ARAP2: variants seen among roughly 807,000 people sequenced by gnomAD.
ARAP2 encodes the protein arf-GAP with Rho-GAP domain, ANK repeat and PH domain-containing protein 2.
ARAP2 carries 148 observed loss-of-function variants against 194.5 expected under a neutral mutation model. That is an observed-to-expected ratio of 0.76 (90% CI 0.67 to 0.87). ARAP2 has a LOEUF of 0.87. Ranked by LOEUF, ARAP2 falls within the 40% of genes least tolerant of loss-of-function variation. ARAP2 has a pLI of 0.00. For missense variants in ARAP2, 2,128 were observed against 1,989.7 expected (o/e 1.07, Z -1.32); for synonymous variants, 695 against 683.5 (o/e 1.02, Z -0.26).
At position 36,068,152 on chromosome 4, in the gene ARAP2, G is replaced by A. The variant is rs868517624; in HGVS notation, c.4870C>T (p.Arg1624Ter). ...CTCCGATGTTTTCGGGGTCGATTTC[G>A]AAGTTTATCGTCCTTGTGCTCCAGG... Reference protein sequence around the residue: ...HCLEHKDDKLRNRPRKHRSFN... With the variant: ...HCLEHKDDKL Residue 1624 changes from arginine to a stop codon, truncating the protein, a stop_gained, in exon 33 of 33, where the codon CGA (arginine) becomes TGA (stop). Coordinates refer to ENST00000303965, the MANE Select transcript of ARAP2 (RefSeq NM_015230.4). LOFTEE classifies it low-confidence loss of function (END_TRUNC). The A allele has an allele frequency of 6.2e-6, 10 of 1,613,812 alleles. No individual in the cohort carries two copies. The highest frequency in any genetic ancestry group is 2.2e-5 in the East Asian group (1 of 44,870).
intron 8 of ARAP2, 94 bp from the exon 9 acceptor site, chr4:36,178,099 TA>T: frequency 1.8e-6 from 2 of 1,088,926 alleles, no homozygotes; most frequent in African/African-American, 3.2e-5. Flanking sequence ...TTGCAACACA[TA>T]AGTGACAGAT....
intron 15 of ARAP2, among the ~76,000 whole-genome samples, chr4:36,152,777 C>T (rs1385129509): frequency 6.6e-6 from 1 of 152,096 alleles, no homozygotes; most frequent in Non-Finnish European, 1.5e-5. Context: ...ACAATCCTTC[C>T]ATAATATCAG....
intron 5 of ARAP2, among the ~76,000 whole-genome samples, chr4:36,033,422 A>C (rs528230812): frequency 6.6e-6 from 1 of 151,496 alleles, no homozygotes; most frequent in African/African-American, 2.4e-5. Flanking sequence ...TTTTTTTCAT[A>C]TGCTTGTTGA....
chr4:36,191,589 T>C (rs1019138614), intron 7 of ARAP2, among the ~76,000 whole-genome samples: 2 of 151,280 alleles, frequency 1.3e-5, no homozygotes, highest in Non-Finnish European at 2.9e-5. Flanking sequence ...TATATTTGTC[T>C]TGCAACAGTA....
chr4:36,095,101 C>T (rs368477100), intron 27 of ARAP2, among the ~76,000 whole-genome samples: 1 of 152,124 alleles, frequency 6.6e-6, no homozygotes, highest in African/African-American at 2.4e-5. Flanking sequence ...TTCTTTCCTT[C>T]CCAGGAAAAC....
intron 13 of ARAP2, 31 bp from the exon 14 acceptor site, chr4:36,159,536 G>T: frequency 6.9e-7 from 1 of 1,448,352 alleles, no homozygotes; most frequent in Admixed American, 2.3e-5. Flanking sequence ...TACATCTTAA[G>T]GAAAGAAAAT....
intron 15 of ARAP2, chr4:36,157,419 T>C (rs1560552558): frequency 6.6e-6 from 1 of 151,674 alleles, no homozygotes; most frequent in Admixed American, 6.6e-5. Context: ...ACATTTATTA[T>C]TGGTTAGGCT....
At chr4:36,151,704 C>G (rs1275126577) in intron 15 of ARAP2, among the ~76,000 whole-genome samples, 1 of 152,014 alleles carries the variant, frequency 6.6e-6, no homozygotes, top group Non-Finnish European at 1.5e-5. Flanking sequence ...TACTGAATTA[C>G]TAAAGGTAAA....
At chr4:36,197,265 TTC>T (rs564593584) in intron 6 of ARAP2, among the ~76,000 whole-genome samples, 1 of 152,156 alleles carries the variant, frequency 6.6e-6, no homozygotes, top group Non-Finnish European at 1.5e-5. Context: ...CAGAATCCAT[TTC>T]TGTTTCGTTC....
intron 2 of ARAP2, among the ~76,000 whole-genome samples, chr4:36,056,073 TA>T (rs769247350): frequency 1.3e-5 from 2 of 152,212 alleles, no homozygotes; most frequent in Non-Finnish European, 2.9e-5. Context: ...AGAAAATGAT[TA>T]AGAAACATGG....
chr4:36,231,218 C>T (rs1309202541), intron 1 of ARAP2, among the ~76,000 whole-genome samples: 1 of 152,138 alleles, frequency 6.6e-6, no homozygotes, highest in African/African-American at 2.4e-5. Flanking sequence ...TGCCTGTAAT[C>T]CCAGCTACTC....
intron 27 of ARAP2, among the ~76,000 whole-genome samples, chr4:36,104,106 G>A (rs1717743711): frequency 6.6e-6 from 1 of 151,798 alleles, no homozygotes; most frequent in African/African-American, 2.4e-5. Context: ...AAGGTACAAG[G>A]GATGTTATAG....
intron 1 of ARAP2, among the ~76,000 whole-genome samples, chr4:36,237,403 TGTGACCTCTGATGTTGGAGGTGGGTC>T (rs1752650038): frequency 6.6e-6 from 1 of 152,180 alleles, no homozygotes; most frequent in Non-Finnish European, 1.5e-5. Flanking sequence ...CATGTGGAAA[TGTGACCTCTGATGTTGGAGGTGGGTC>T]TAGCAGGAGG....
At chr4:36,081,888 T>C (rs868868832) in intron 30 of ARAP2, among the ~76,000 whole-genome samples, 1 of 152,080 alleles carries the variant, frequency 6.6e-6, no homozygotes, top group African/African-American at 2.4e-5. Flanking sequence ...AAAGTACATA[T>C]ATAGAAATAG....
chr4:36,082,161 C>T (rs1729712254), intron 30 of ARAP2, 90 bp downstream of exon 30: 3 of 1,228,164 alleles, frequency 2.4e-6, no homozygotes. Context: ...CACTTTCCGT[C>T]TGTAGTTCTA....
intron 29 of ARAP2, among the ~76,000 whole-genome samples, chr4:36,082,848 G>A (rs899007777): frequency 3.3e-5 from 5 of 152,096 alleles, no homozygotes; most frequent in African/African-American, 9.7e-5. Context: ...AAAGAGGCAC[G>A]CAATCTGTAG....
chr4:36,200,228 C>T (rs1744080964), intron 6 of ARAP2, among the ~76,000 whole-genome samples: 1 of 52,482 alleles, frequency 1.9e-5, no homozygotes, highest in Admixed American at 2.7e-4. Context: ...TTTCTCAGCA[C>T]TATTCCCTTT....
chr4:36,017,182 G>A (rs145568165), intron 6 of ARAP2, among the ~76,000 whole-genome samples: 2 of 151,432 alleles, frequency 1.3e-5, no homozygotes, highest in African/African-American at 4.8e-5. Context: ...TTGATGTCAA[G>A]ATAAAAATGA....
chr4:36,202,529 G>T (rs1744592004), intron 6 of ARAP2, among the ~76,000 whole-genome samples: 1 of 151,692 alleles, frequency 6.6e-6, no homozygotes, highest in Admixed American at 6.6e-5. Context: ...AAAATTCTAG[G>T]GGCTAAAAAG....
Sources: gnomAD v4.1 joint callset for allele counts (sites outside exome capture counted in the v4.1 genomes callset) on GRCh38, gnomAD v4.1.1 for gene constraint, MANE v1.5 for transcripts, NCBI Gene and HGNC (gene_info 2026-07-23, HGNC 2026-07-21) for gene names.